Variants in ERC1 observed in about 807,000 individuals in gnomAD.
ERC1 encodes the protein RAB6 interacting protein 2.
Under a neutral mutation model 132.0 loss-of-function variants are expected in ERC1, and 56 were observed. That is an observed-to-expected ratio of 0.42 (90% CI 0.34 to 0.53). The LOEUF is 0.53. ERC1 is among the 20% of genes least tolerant of loss of function. The pLI, the probability that ERC1 is intolerant of heterozygous loss-of-function variation, is 0.03. For synonymous variants in ERC1, 478 were observed against 476.1 expected, an observed-to-expected ratio of 1.00 and a Z score of -0.05; for missense variants, 1,202 against 1,349.9, an observed-to-expected ratio of 0.89 and a Z score of 1.72.
intron 4 of ERC1, among the ~76,000 whole-genome samples, chr12:1,105,550 G>A (rs1053471087): frequency 3.3e-5 from 5 of 151,836 alleles, no homozygotes; most frequent in Admixed American, 1.3e-4. Context: ...GTAGAGATGG[G>A]GTTTCACCGT....
intron 13 of ERC1, among the ~76,000 whole-genome samples, chr12:1,241,261 T>C (rs963159512): frequency 6.6e-6 from 1 of 152,214 alleles, no homozygotes; most frequent in Non-Finnish European, 1.5e-5. Flanking sequence ...ATTTCTTCAG[T>C]GACACTGTCC....
At chr12:1,332,297 C>T (rs1055990757) in intron 15 of ERC1, among the ~76,000 whole-genome samples, 3 of 152,140 alleles carry the variant, frequency 2.0e-5, no homozygotes, top group Admixed American at 1.3e-4. Flanking sequence ...GTAGCTTTAG[C>T]GTCTTCTTGG....
chr12:1,116,265 G>T lies in ERC1; in HGVS notation c.1569+232G>T, dbSNP rs1029949641. 6.3e-5 allele frequency: 23 copies of T among 363,984 alleles called. No individual in the cohort carries two copies. In the Admixed American group the frequency reaches 1.0e-3, roughly 16 times the overall value. 22.5% of individuals were successfully genotyped at this position (363,984 alleles called of 1,614,324 possible). The stretch of plus-strand genomic sequence containing the variant: ...TATGTTTTTAATTCTTTAAACTTTT[G>T]CCAAGTCTGTACTTCAAAGTATACT... On this transcript the variant is annotated intron_variant, in intron 7 of 18. Coordinates refer to ENST00000360905, the MANE Select transcript of ERC1 (RefSeq NM_178040.4).
chr12:1,387,192 C>G (rs12316105), intron 16 of ERC1, among the ~76,000 whole-genome samples: 44,342 of 151,652 alleles, frequency 0.29, 6,699 homozygotes, highest in Middle Eastern at 0.34. Flanking sequence ...CCCTCATACC[C>G]AACTCAGATT....
At chr12:1,263,489 A>C (rs1408459500) in intron 14 of ERC1, among the ~76,000 whole-genome samples, 1 of 152,146 alleles carries the variant, frequency 6.6e-6, no homozygotes, top group African/African-American at 2.4e-5. Flanking sequence ...AATTGAAATA[A>C]AGTTGTATGA....
chr12:1,365,443 T>A (rs1328550618), intron 15 of ERC1, among the ~76,000 whole-genome samples: 1 of 152,154 alleles, frequency 6.6e-6, no homozygotes, highest in African/African-American at 2.4e-5. Context: ...AGAGGTGCAG[T>A]TGGTTCAAGA....
rs1555255014 is a variant in ERC1, at chr12:1,121,931, G to GTCTCTATCTCTA, written c.1569+5907_1569+5908insCTATCTCTATCT. On this transcript the variant is annotated intron_variant, in intron 7 of 18. Transcript: ENST00000360905. ...TATCTCTATCTCTATCTCTATCTGT[G>GTCTCTATCTCTA]TCTCTATCTATCTCTATCTCTATCT... Among the ~76,000 whole-genome samples the GTCTCTATCTCTA allele has an allele frequency of 2.7e-3, 3 of 1,094 alleles. 1 individual carries two copies. The highest frequency in any genetic ancestry group is 0.17 in the East Asian group (1 of 6). 0.7% of individuals were successfully genotyped at this position (1,094 alleles called of 152,430 possible). A position where few individuals can be genotyped will look rare whatever the true frequency, so the allele number is the denominator to read the frequency against.
intron 1 of ERC1, among the ~76,000 whole-genome samples, chr12:1,004,327 A>G (rs1412399365): frequency 6.7e-6 from 1 of 148,574 alleles, no homozygotes; most frequent in Non-Finnish European, 1.5e-5. Context: ...CTTTCAACCC[A>G]TTATTATGGC....
At chr12:1,381,607 T>A (rs1264361126) in intron 16 of ERC1, among the ~76,000 whole-genome samples, 1 of 152,224 alleles carries the variant, frequency 6.6e-6, no homozygotes, top group Admixed American at 6.5e-5. Flanking sequence ...ATATATATAC[T>A]TCTTCCTCTG....
At chr12:1,440,087 T>C (rs1054610659) in intron 17 of ERC1, among the ~76,000 whole-genome samples, 1 of 152,208 alleles carries the variant, frequency 6.6e-6, no homozygotes, top group Non-Finnish European at 1.5e-5. Context: ...ATGTAAATGA[T>C]CAAATCAGAG....
intron 13 of ERC1, among the ~76,000 whole-genome samples, chr12:1,259,581 T>C (rs987723375): frequency 3.3e-4 from 47 of 143,322 alleles, no homozygotes; most frequent in African/African-American, 1.1e-3. Context: ...TGGAGTGCAA[T>C]GGCATGATCT....
At chr12:1,105,718 CTT>C (rs1232938718) in intron 4 of ERC1, among the ~76,000 whole-genome samples, 3 of 152,100 alleles carry the variant, frequency 2.0e-5, no homozygotes, top group African/African-American at 7.2e-5. Context: ...ATGAAGTAGT[CTT>C]TTAAAAATTT....
At chr12:1,020,763 A>G (rs1018733393) in intron 1 of ERC1, 1 of 152,274 alleles carries the variant, frequency 6.6e-6, no homozygotes, top group African/African-American at 2.4e-5. Context: ...CAGAAGCCCC[A>G]GTGTCTTTTA....
In ERC1 at chr12:1,183,304, G is replaced by A; in HGVS notation, c.2040G>A (p.Glu680=). Residue 680 remains glutamate, a synonymous_variant, in exon 11 of 19, where the codon GAG becomes GAA. Coordinates refer to ENST00000360905, the MANE Select transcript of ERC1 (RefSeq NM_178040.4). ...AGGCTTCACTTTTGGATCTGAAAGA[G>A]CATGCTTCTTCTCTGGCATCCTCAG... ...EKEASLLDLK[E]HASSLASSGL... is the part of the protein sequence containing the mutation. The A allele has an allele frequency of 6.4e-7, 1 of 1,571,758 alleles. No homozygotes were observed. Among genetic ancestry groups the A allele is most frequent in the African/African-American group, 1.3e-5 (1 of 74,592 alleles).
At chr12:1,122,560 T>C in intron 7 of ERC1, among the ~76,000 whole-genome samples, 1 of 122,858 alleles carries the variant, frequency 8.1e-6, no homozygotes, top group East Asian at 2.2e-4. Context: ...TCTATCTCTA[T>C]CTCTATCTGT....
chr12:1,260,038 G>A (rs548194344), intron 13 of ERC1, among the ~76,000 whole-genome samples: 115 of 152,174 alleles, frequency 7.6e-4, no homozygotes, highest in African/African-American at 2.7e-3. Context: ...ACTCACCTAT[G>A]GTAGAGCTCT....
chr12:1,081,708 T>C (rs562332462), intron 2 of ERC1, among the ~76,000 whole-genome samples: 2 of 152,242 alleles, frequency 1.3e-5, no homozygotes, highest in South Asian at 4.1e-4. Context: ...TAGGGGGAAA[T>C]GGAGAGTTAC....
chr12:1,378,786 T>G (rs1048929221), intron 16 of ERC1, among the ~76,000 whole-genome samples: 1 of 152,226 alleles, frequency 6.6e-6, no homozygotes, highest in African/African-American at 2.4e-5. Context: ...AAGTTAAGAC[T>G]TAAAATTTAA....
intron 12 of ERC1, among the ~76,000 whole-genome samples, chr12:1,204,756 AGTG>A (rs1267093124): frequency 1.3e-5 from 2 of 152,164 alleles, no homozygotes; most frequent in Non-Finnish European, 2.9e-5. Context: ...CTGAGAGAGA[AGTG>A]GAGATGAAAA....
Sources: gnomAD v4.1 joint callset for allele counts (sites outside exome capture counted in the v4.1 genomes callset) on GRCh38, gnomAD v4.1.1 for gene constraint, MANE v1.5 for transcripts, NCBI Gene and HGNC (gene_info 2026-07-23, HGNC 2026-07-21) for gene names.